The following TIMM13 variants were observed in gnomAD, a reference collection of about 807,000 sequenced individuals.
TIMM13 encodes the protein translocase of inner mitochondrial membrane 13, also known as mitochondrial import inner membrane translocase subunit Tim13.
TIMM13 carries 8 observed loss-of-function variants against 10.9 expected under a neutral mutation model. That is an observed-to-expected ratio of 0.73 (90% CI 0.43 to 1.32). The LOEUF (loss-of-function observed/expected upper bound fraction) is 1.32. Among genes scored for constraint, TIMM13 ranks in the 40% most tolerant of loss-of-function variants. TIMM13 has a pLI of 0.01. For synonymous variants in TIMM13, 68 were observed against 52.5 expected, an observed-to-expected ratio of 1.30 and a Z score of -1.28; for missense variants, 147 against 132.8, an observed-to-expected ratio of 1.11 and a Z score of -0.53.
chr19:2,426,320 G>A lies in TIMM13; in HGVS notation c.*628C>T, dbSNP rs1466852122. On this transcript the variant is annotated 3_prime_UTR_variant, in exon 3 of 3. Transcript: ENST00000215570. Reference sequence around the variant, plus strand: ...GGACCACCTGCCTGGTGCTCCACCAGGACCCGGGGTGGAACGAAGCAGGGT... The same window carrying A: ...GGACCACCTGCCTGGTGCTCCACCAAGACCCGGGGTGGAACGAAGCAGGGT... 1.6e-5 allele frequency: 6 copies of A among 382,596 alleles called. No individual in the cohort carries two copies. The highest frequency in any genetic ancestry group is 2.6e-5 in the Non-Finnish European group (6 of 228,228). The allele number at this position is 382,596 out of a possible 1,614,324, so 23.7% of individuals were successfully genotyped here.
In TIMM13 at chr19:2,427,162, G is replaced by A. The variant is rs1032430478; in HGVS notation, c.189+94C>T. 44 of 1,571,850 alleles carry A rather than the reference G, an allele frequency of 2.8e-5. No individual in the cohort carries two copies. The African/African-American group carries it at 4.6e-4, about 16-fold the overall frequency. On this transcript the variant is annotated intron_variant, in intron 2 of 2. Coordinates refer to ENST00000215570, the MANE Select transcript of TIMM13 (RefSeq NM_012458.4). ...ACTACGCACGTGCAGTGACCACTCC[G>A]TCGCACCTCCCCGTTAGTCTGCGCA... is the stretch of plus-strand genomic sequence containing the variant.
At position 2,427,256 on chromosome 19, in the gene TIMM13, C is replaced by G. The variant is rs762223180; in HGVS notation, c.189G>C (p.Gln63His). ...KPGGSLDNSE[Q>H]KCIAMCMDRY... ...TGCCCCGAACCTCCGCGGGTCTCAC[C>G]TGCTCGGAGTTGTCCAGGGAGCCCC... Residue 63 changes from glutamine to histidine, a missense_variant and splice_region_variant, in exon 2 of 3, where the codon CAG (glutamine) becomes CAC (histidine). Transcript: ENST00000215570. 1 of 1,613,262 alleles carries G rather than the reference C, an allele frequency of 6.2e-7. No homozygotes were observed. Among genetic ancestry groups the G allele is most frequent in the Non-Finnish European group, 8.5e-7 (1 of 1,179,812 alleles).
chr19:2,425,794 G>A lies in TIMM13; in HGVS notation c.*1154C>T, dbSNP rs1395352232. On this transcript the variant is annotated 3_prime_UTR_variant, in exon 3 of 3. Transcript: ENST00000215570. ...TAAATGTCTGCCACCTTTGCATTGA[G>A]CCCATTTTCCAGATAGTGAAAATGC... 3.7e-6 allele frequency: 5 copies of A among 1,335,808 alleles called. No homozygotes were observed. The highest frequency in any genetic ancestry group is 2.5e-5 in the East Asian group (1 of 39,578). The allele number at this position is 1,335,808 out of a possible 1,614,324, so 82.7% of individuals were successfully genotyped here.
Position 2,426,905 on chromosome 19 carries a change from C to T in TIMM13, c.*43G>A, listed in dbSNP as rs1335778078. On this transcript the variant is annotated 3_prime_UTR_variant, in exon 3 of 3. Coordinates refer to ENST00000215570, the MANE Select transcript of TIMM13 (RefSeq NM_012458.4). ...CATGCGGACCCCGCCTCTCAAAGCA[C>T]GTTTATGGAAATGAACAGGGTGGGG... 1.3e-6 allele frequency: 2 copies of T among 1,544,256 alleles called. No homozygotes were observed. The highest frequency in any genetic ancestry group is 8.8e-7 in the Non-Finnish European group (1 of 1,141,244).
chr19:2,427,244 C>G lies in TIMM13; in HGVS notation c.189+12G>C, dbSNP rs201063588. 1.2e-6 allele frequency: 2 copies of G among 1,612,650 alleles called. No homozygotes were observed. Among genetic ancestry groups the G allele is most frequent in the East Asian group, 4.5e-5 (2 of 44,854 alleles). Reference sequence around the variant, plus strand: ...CCTCGCGACCCTTGCCCCGAACCTCCGCGGGTCTCACCTGCTCGGAGTTGT... The same window carrying G: ...CCTCGCGACCCTTGCCCCGAACCTCGGCGGGTCTCACCTGCTCGGAGTTGT... On this transcript the variant is annotated intron_variant, in intron 2 of 2. Transcript: ENST00000215570.
In TIMM13 at chr19:2,426,639, G is replaced by A. The variant is rs753781561; in HGVS notation, c.*309C>T. On this transcript the variant is annotated 3_prime_UTR_variant, in exon 3 of 3. Transcript: ENST00000215570. ...GTGGTGTCTGACCACCCCCAACTCC[G>A]AAGTCCAGACAAGCTGTCCGCCCAG... 1.3e-5 allele frequency: 6 copies of A among 478,206 alleles called. No individual in the cohort carries two copies. The highest frequency in any genetic ancestry group is 2.3e-5 in the Non-Finnish European group (6 of 265,248). 29.6% of individuals were successfully genotyped at this position (478,206 alleles called of 1,614,324 possible). A position where few individuals can be genotyped will look rare whatever the true frequency, so the allele number is the denominator to read the frequency against.
Position 2,425,811 on chromosome 19 carries a change from T to G in TIMM13, c.*1137A>C. 1 of 1,394,736 alleles carries G rather than the reference T, an allele frequency of 7.2e-7. No individual in the cohort carries two copies. Among genetic ancestry groups the G allele is most frequent in the Non-Finnish European group, 9.5e-7 (1 of 1,054,360 alleles). The allele number at this position is 1,394,736 out of a possible 1,614,324, so 86.4% of individuals were successfully genotyped here. ...TGCATTGAGCCCATTTTCCAGATAG[T>G]GAAAATGCGGCTCCCAGGGGAAGTC... On this transcript the variant is annotated 3_prime_UTR_variant, in exon 3 of 3. Transcript: ENST00000215570.
In TIMM13 at chr19:2,425,919, C is replaced by T. The variant is rs375114457; in HGVS notation, c.*1029G>A. 1.3e-6 allele frequency: 2 copies of T among 1,587,100 alleles called. No individual in the cohort carries two copies. Among genetic ancestry groups the T allele is most frequent in the African/African-American group, 1.4e-5 (1 of 73,102 alleles). On this transcript the variant is annotated 3_prime_UTR_variant, in exon 3 of 3. Transcript: ENST00000215570. Reference sequence around the variant, plus strand: ...GCCTCTGAACCCCCTTTCTTCTCTCCCCAACAGGGTGACGCTGGGGGACCC... The same window carrying T: ...GCCTCTGAACCCCCTTTCTTCTCTCTCCAACAGGGTGACGCTGGGGGACCC...
Position 2,427,334 on chromosome 19 carries a change from C to T in TIMM13, c.121-10G>A, listed in dbSNP as rs771689157. ...ACTTGTCCGTCATCCTCTGTGGAGA[C>T]ACGCGAGGCTTTAGCCGCGACGTCG... On this transcript the variant is annotated splice_polypyrimidine_tract_variant and intron_variant, in intron 1 of 2. Coordinates refer to ENST00000215570, the MANE Select transcript of TIMM13 (RefSeq NM_012458.4). The T allele has an allele frequency of 5.6e-6, 9 of 1,613,156 alleles. No individual in the cohort carries two copies. Among genetic ancestry groups the T allele is most frequent in the Non-Finnish European group, 4.2e-6 (5 of 1,179,780 alleles).
chr19:2,426,647 G>C lies in TIMM13; in HGVS notation c.*301C>G, dbSNP rs1049965. On this transcript the variant is annotated 3_prime_UTR_variant, in exon 3 of 3. Transcript: ENST00000215570. ...TGACCACCCCCAACTCCGAAGTCCA[G>C]ACAAGCTGTCCGCCCAGAATATGAG... 2.0e-5 allele frequency: 10 copies of C among 501,566 alleles called. No individual in the cohort carries two copies. In the South Asian group the frequency reaches 2.4e-4, roughly 12 times the overall value. 31.1% of individuals were successfully genotyped at this position (501,566 alleles called of 1,614,324 possible). A position where few individuals can be genotyped will look rare whatever the true frequency, so the allele number is the denominator to read the frequency against.
Position 2,427,195 on chromosome 19 carries a change from A to T in TIMM13, c.189+61T>A, listed in dbSNP as rs1971659572. On this transcript the variant is annotated intron_variant, in intron 2 of 2. Coordinates refer to ENST00000215570, the MANE Select transcript of TIMM13 (RefSeq NM_012458.4). ...TCCCCGTTAGTCTGCGCACGCGCAG[A>T]CACCTCCCCCCTCGAATCTAGGCCC... The T allele has an allele frequency of 1.6e-5, 26 of 1,587,656 alleles. 1 individual carries two copies. In the South Asian group the frequency reaches 2.9e-4, roughly 18 times the overall value.
chr19:2,426,322 A>C lies in TIMM13; in HGVS notation c.*626T>G. On this transcript the variant is annotated 3_prime_UTR_variant, in exon 3 of 3. Transcript: ENST00000215570. The stretch of plus-strand genomic sequence containing the variant: ...ACCACCTGCCTGGTGCTCCACCAGG[A>C]CCCGGGGTGGAACGAAGCAGGGTCA... The C allele has an allele frequency of 2.7e-6, 1 of 374,530 alleles. No individual in the cohort carries two copies. The allele number at this position is 374,530 out of a possible 1,614,324, so 23.2% of individuals were successfully genotyped here.
chr19:2,427,152 T>C, intron 2 of TIMM13, 104 bp downstream of exon 2: 4 of 1,569,082 alleles, frequency 2.5e-6, no homozygotes, highest in East Asian at 2.3e-5. Flanking sequence ...GCACGTGCAG[T>C]GACCACTCCG....
In TIMM13 at chr19:2,425,673, A is replaced by T. The variant is rs1227410759; in HGVS notation, c.*1275T>A. ...CCACTCCACAGCCGTTTATTGGGCA[A>T]CCCACCGCATCCCATCCCCGGGCCT... is the stretch of plus-strand genomic sequence containing the variant. On this transcript the variant is annotated 3_prime_UTR_variant, in exon 3 of 3. Coordinates refer to ENST00000215570, the MANE Select transcript of TIMM13 (RefSeq NM_012458.4). 5 of 1,277,600 alleles carry T rather than the reference A, an allele frequency of 3.9e-6. No individual in the cohort carries two copies. The African/African-American group carries it at 7.8e-5, about 20-fold the overall frequency. 79.1% of individuals were successfully genotyped at this position (1,277,600 alleles called of 1,614,324 possible).
In TIMM13 at chr19:2,426,469, A is replaced by C. The variant is rs2145435129; in HGVS notation, c.*479T>G. 3.5e-6 allele frequency: 1 copy of C among 287,226 alleles called. No individual in the cohort carries two copies. The highest frequency in any genetic ancestry group is 9.6e-5 in the East Asian group (1 of 10,418). 17.8% of individuals were successfully genotyped at this position (287,226 alleles called of 1,614,324 possible). ...CTAAGGGGAAAGATGGACTTCTCCCAACCCAGGGGAGGCTGAGACCCTCCG... is the reference window on the plus strand; with the variant it reads ...CTAAGGGGAAAGATGGACTTCTCCCCACCCAGGGGAGGCTGAGACCCTCCG... On this transcript the variant is annotated 3_prime_UTR_variant, in exon 3 of 3. Transcript: ENST00000215570.
intron 2 of TIMM13, 58 bp from the exon 3 acceptor site, chr19:2,427,104 C>A: frequency 6.3e-7 from 1 of 1,582,112 alleles, no homozygotes; most frequent in Non-Finnish European, 8.6e-7. Flanking sequence ...CGGGGACCGC[C>A]CTGACCCCGG....
chr19:2,426,423 T>G lies in TIMM13; in HGVS notation c.*525A>C, dbSNP rs1295378125. 1 of 315,672 alleles carries G rather than the reference T, an allele frequency of 3.2e-6. No homozygotes were observed. Among genetic ancestry groups the G allele is most frequent in the Non-Finnish European group, 5.9e-6 (1 of 169,596 alleles). The allele number at this position is 315,672 out of a possible 1,614,324, so 19.6% of individuals were successfully genotyped here. On this transcript the variant is annotated 3_prime_UTR_variant, in exon 3 of 3. Coordinates refer to ENST00000215570, the MANE Select transcript of TIMM13 (RefSeq NM_012458.4). ...GGTGGCAGCAGCAACACATTCCTCGTGACTCAGCAGCCCGGTGGCACTAAG... is the reference window on the plus strand; with the variant it reads ...GGTGGCAGCAGCAACACATTCCTCGGGACTCAGCAGCCCGGTGGCACTAAG...
At position 2,426,881 on chromosome 19, in the gene TIMM13, A is replaced by G. The variant is rs1280862885; in HGVS notation, c.*67T>C. ...TAAGCCCCGGGCAGGCAGTACGTAC[A>G]TGCGGACCCCGCCTCTCAAAGCACG... On this transcript the variant is annotated 3_prime_UTR_variant, in exon 3 of 3. Coordinates refer to ENST00000215570, the MANE Select transcript of TIMM13 (RefSeq NM_012458.4). The G allele has an allele frequency of 1.3e-6, 2 of 1,487,780 alleles. No homozygotes were observed. Among genetic ancestry groups the G allele is most frequent in the Non-Finnish European group, 1.8e-6 (2 of 1,094,864 alleles). The allele number at this position is 1,487,780 out of a possible 1,614,324, so 92.2% of individuals were successfully genotyped here.
chr19:2,427,091 C>T (rs900473544), intron 2 of TIMM13, 45 bp from the exon 3 acceptor site: 24 of 1,594,228 alleles, frequency 1.5e-5, no homozygotes, highest in Non-Finnish European at 2.1e-5. Context: ...GACTTCGCGG[C>T]CCCGGGGACC....
Sources: gnomAD v4.1 joint callset for allele counts on GRCh38, gnomAD v4.1.1 for gene constraint, MANE v1.5 for transcripts, NCBI Gene and HGNC (gene_info 2026-07-23, HGNC 2026-07-21) for gene names.